PLEKHA5: variants seen among roughly 807,000 people sequenced by gnomAD.
PLEKHA5 encodes the protein pleckstrin homology domain-containing family A member 5.
Under a neutral mutation model 181.9 loss-of-function variants are expected in PLEKHA5, and 55 were observed. The observed-to-expected ratio is 0.30, with a 90% CI of 0.24 to 0.38. PLEKHA5 has a LOEUF of 0.38. PLEKHA5 is among the 10% of genes least tolerant of loss of function. The pLI, the probability that PLEKHA5 is intolerant of heterozygous loss-of-function variation, is 1.00. For missense variants in PLEKHA5, 1,432 were observed against 1,549.5 expected, an observed-to-expected ratio of 0.92 and a Z score of 1.27; for synonymous variants, 535 against 529.4, an observed-to-expected ratio of 1.01 and a Z score of -0.15.
At chr12:19,314,705 G>T (rs2087900908) in intron 15 of PLEKHA5, 109 bp from the exon 16 acceptor site, 2 of 701,534 alleles carry the variant, frequency 2.9e-6, no homozygotes. Flanking sequence ...GTAAACAACT[G>T]CACTATTAGG....
At chr12:19,235,789 C>T (rs1363295743) in intron 3 of PLEKHA5, among the ~76,000 whole-genome samples, 1 of 152,102 alleles carries the variant, frequency 6.6e-6, no homozygotes, top group Non-Finnish European at 1.5e-5. Context: ...AACATACACA[C>T]ACACAATTAA....
intron 22 of PLEKHA5, among the ~76,000 whole-genome samples, chr12:19,345,101 A>G (rs899111483): frequency 1.3e-5 from 2 of 149,398 alleles, no homozygotes; most frequent in African/African-American, 2.5e-5. Context: ...GTGAAAAACA[A>G]TAAAGAAATA....
chr12:19,352,790 T>TC (rs1005112754), intron 25 of PLEKHA5, among the ~76,000 whole-genome samples: 2 of 151,926 alleles, frequency 1.3e-5, no homozygotes, highest in African/African-American at 4.8e-5. Context: ...TTCTCTTTTT[T>TC]CTTTTTTTTT....
In PLEKHA5 at chr12:19,175,687, T is replaced by C. The variant is rs1026008208; in HGVS notation, c.227+43237T>C. ...TTTATATGTGCACTATACACATGTGTTAGCTTTGTTAAGAAAATTTGAAAC... is the reference window on the plus strand; with the variant it reads ...TTTATATGTGCACTATACACATGTGCTAGCTTTGTTAAGAAAATTTGAAAC... On this transcript the variant is annotated intron_variant, in intron 3 of 31. Coordinates refer to ENST00000429027, the MANE Select transcript of PLEKHA5 (RefSeq NM_001256470.2). Among the ~76,000 whole-genome samples, 6 of 152,378 alleles carry C rather than the reference T, an allele frequency of 3.9e-5. No homozygotes were observed. In the East Asian group the frequency reaches 1.2e-3, roughly 29 times the overall value.
chr12:19,173,005 C>CTTTTTTTT (rs71064064), intron 3 of PLEKHA5, among the ~76,000 whole-genome samples: 4,177 of 33,610 alleles, frequency 0.12, 1,514 homozygotes, highest in Non-Finnish European at 0.17. Context: ...ATTTCCCTTT[C>CTTTTTTTT]TTTTTTTTTT....
intron 3 of PLEKHA5, 71 bp downstream of exon 3, chr12:19,132,521 G>T: frequency 1.3e-6 from 1 of 772,748 alleles, no homozygotes; most frequent in Non-Finnish European, 2.3e-6. Context: ...CTGAATAGTT[G>T]TATGTCCAGT....
At chr12:19,345,267 G>A (rs962730073) in intron 22 of PLEKHA5, among the ~76,000 whole-genome samples, 1 of 151,792 alleles carries the variant, frequency 6.6e-6, no homozygotes, top group African/African-American at 2.4e-5. Context: ...ATGCATGGTG[G>A]CGTGCACCTA....
intron 19 of PLEKHA5, 24 bp from the exon 20 acceptor site, chr12:19,322,494 G>A (rs1402575787): frequency 1.2e-6 from 2 of 1,611,018 alleles, no homozygotes; most frequent in Admixed American, 1.7e-5. Flanking sequence ...AGAACATTAA[G>A]TGTAATTCTT....
intron 3 of PLEKHA5, among the ~76,000 whole-genome samples, chr12:19,162,699 T>G (rs1182086787): frequency 6.6e-6 from 1 of 152,190 alleles, no homozygotes; most frequent in Non-Finnish European, 1.5e-5. Context: ...TAAATTGATA[T>G]GGAACAAGTC....
At chr12:19,265,513 C>T (rs1308067218) in intron 7 of PLEKHA5, among the ~76,000 whole-genome samples, 1 of 152,202 alleles carries the variant, frequency 6.6e-6, no homozygotes, top group East Asian at 1.9e-4. Flanking sequence ...ACTTATATGC[C>T]AGTATGTTTT....
chr12:19,182,876 A>G lies in PLEKHA5; in HGVS notation c.227+50426A>G, dbSNP rs536647276. On this transcript the variant is annotated intron_variant, in intron 3 of 31. Coordinates refer to ENST00000429027, the MANE Select transcript of PLEKHA5 (RefSeq NM_001256470.2). Reference sequence around the variant, plus strand: ...ATGTACTAAAACAACACAGACTGCAACTATTTGGTGTCAGTGTGAACAGTC... The same window carrying G: ...ATGTACTAAAACAACACAGACTGCAGCTATTTGGTGTCAGTGTGAACAGTC... Among the ~76,000 whole-genome samples, 4 of 152,352 alleles carry G rather than the reference A, an allele frequency of 2.6e-5. No homozygotes were observed. The South Asian group carries it at 8.3e-4, about 32-fold the overall frequency.
Position 19,275,001 on chromosome 12 carries a change from CATT to C in PLEKHA5, c.1313+21_1313+23del. 1 of 1,526,012 alleles carries C rather than the reference CATT, an allele frequency of 6.6e-7. No individual in the cohort carries two copies. The highest frequency in any genetic ancestry group is 9.0e-7 in the Non-Finnish European group (1 of 1,115,018). The allele number at this position is 1,526,012 out of a possible 1,614,324, so 94.5% of individuals were successfully genotyped here. A position where few individuals can be genotyped will look rare whatever the true frequency, so the allele number is the denominator to read the frequency against. On this transcript the variant is annotated intron_variant, in intron 11 of 31. Transcript: ENST00000429027. ...ACCAGGGGGTAAGTGTCTGTCTTGT[CATT>C]ATGAACCCAGGTTTCTTTGATGCTG... is the stretch of plus-strand genomic sequence containing the variant.
chr12:19,301,045 G>A (rs563903984), intron 15 of PLEKHA5, among the ~76,000 whole-genome samples: 88 of 151,460 alleles, frequency 5.8e-4, no homozygotes, highest in Non-Finnish European at 8.8e-4. Context: ...AGCTACTCAG[G>A]ATCCTGAGGC....
intron 26 of PLEKHA5, among the ~76,000 whole-genome samples, chr12:19,355,883 A>T (rs1317696525): frequency 6.6e-6 from 1 of 152,042 alleles, no homozygotes; most frequent in Non-Finnish European, 1.5e-5. Flanking sequence ...AGCAGAGGCC[A>T]GGTGCTGTAG....
chr12:19,220,408 G>T (rs190434032), intron 3 of PLEKHA5, among the ~76,000 whole-genome samples: 122 of 152,178 alleles, frequency 8.0e-4, no homozygotes, highest in African/African-American at 2.9e-3. Flanking sequence ...AAGTTTGACA[G>T]AGGTATGAAA....
In PLEKHA5 at chr12:19,250,334, C is replaced by A. The variant is rs563394747; in HGVS notation, c.228-3606C>A. Among the ~76,000 whole-genome samples the A allele has an allele frequency of 1.3e-5, 2 of 152,168 alleles. 1 individual carries two copies. The highest frequency in any genetic ancestry group is 4.1e-4 in the South Asian group (2 of 4,830). ...GCGCAGAGGCTCATACCTGTAATCC[C>A]GGCACTTTGGGAGGCCAAGGCGGGT... On this transcript the variant is annotated intron_variant, in intron 3 of 31. Transcript: ENST00000429027.
intron 3 of PLEKHA5, among the ~76,000 whole-genome samples, chr12:19,205,083 A>G (rs2055102237): frequency 6.6e-6 from 1 of 152,156 alleles, no homozygotes; most frequent in Non-Finnish European, 1.5e-5. Context: ...TTTCCAGTTA[A>G]ATGAACCACA....
intron 15 of PLEKHA5, 175 bp from the exon 16 acceptor site, chr12:19,314,639 A>C: frequency 1.6e-6 from 1 of 614,812 alleles, no homozygotes; most frequent in South Asian, 1.6e-5. Context: ...CACAGCGTTT[A>C]ATACTTGTTT....
intron 3 of PLEKHA5, among the ~76,000 whole-genome samples, chr12:19,211,709 T>G (rs928910920): frequency 6.6e-5 from 10 of 152,196 alleles, no homozygotes; most frequent in African/African-American, 2.4e-4. Flanking sequence ...AATTCTAGAA[T>G]CAGATGAGAC....
Sources: gnomAD v4.1 joint callset for allele counts (sites outside exome capture counted in the v4.1 genomes callset) on GRCh38, gnomAD v4.1.1 for gene constraint, MANE v1.5 for transcripts, NCBI Gene and HGNC (gene_info 2026-07-23, HGNC 2026-07-21) for gene names.